The following NFATC2 variants were observed in gnomAD, a reference collection of about 807,000 sequenced individuals.
NFATC2 encodes nuclear factor of activated T cells 2.
Under a neutral mutation model 87.3 loss-of-function variants are expected in NFATC2, and 22 were observed. The ratio of observed to expected loss-of-function variants is 0.25; its 90% CI spans 0.18 to 0.36. The LOEUF (loss-of-function observed/expected upper bound fraction) is 0.36, where lower values mean the gene tolerates loss of function less well. NFATC2 is among the 10% of genes least tolerant of loss of function. The pLI is 1.00. For missense variants in NFATC2, 1,149 were observed against 1,259.1 expected, an observed-to-expected ratio of 0.91 and a Z score of 1.32; for synonymous variants, 565 against 542.2, an observed-to-expected ratio of 1.04 and a Z score of -0.58.
chr20:51,410,241 G>A (rs929397073), intron 9 of NFATC2, among the ~76,000 whole-genome samples: 62 of 150,104 alleles, frequency 4.1e-4, no homozygotes, highest in Non-Finnish European at 7.2e-4. Context: ...GAAATATTAG[G>A]ACATTTATGA....
intron 9 of NFATC2, among the ~76,000 whole-genome samples, chr20:51,427,690 G>A (rs753142481): frequency 1.3e-5 from 2 of 152,092 alleles, no homozygotes; most frequent in Admixed American, 6.6e-5. Context: ...CGCCACCTGC[G>A]TTCCCTCTCC....
chr20:51,412,152 T>C (rs572968897), intron 9 of NFATC2, among the ~76,000 whole-genome samples: 13 of 152,186 alleles, frequency 8.5e-5, no homozygotes, highest in Admixed American at 7.2e-4. Flanking sequence ...ACTCTGATAA[T>C]AAGAAACCAA....
chr20:51,523,875 G>A lies in NFATC2; in HGVS notation c.366C>T (p.Ile122=). The change falls in exon 2 of 11, where the codon ATC becomes ATT. Residue 122 remains isoleucine (I), a synonymous_variant. Transcript: ENST00000371564. This position sits in a 1 kb window ranked among gnomAD's most constrained non-coding sequence, Gnocchi z 6.9. ...RIEITPSHEL[I]QAVGPLRMRD... is the part of the protein sequence containing the mutation. ...TCATGCGGAGGGGCCCCACTGCCTG[G>A]ATCAGTTCGTGGGACGGAGTGATCT... 6.2e-7 allele frequency: 1 copy of A among 1,609,016 alleles called. No homozygotes were observed. The highest frequency in any genetic ancestry group is 8.5e-7 in the Non-Finnish European group (1 of 1,178,210).
At chr20:51,465,692 CCAGCCT>C (rs1271522268) in intron 5 of NFATC2, among the ~76,000 whole-genome samples, 1 of 152,078 alleles carries the variant, frequency 6.6e-6, no homozygotes, top group Non-Finnish European at 1.5e-5. Context: ...ACATATTTAA[CCAGCCT>C]ACCAACATGG....
intron 3 of NFATC2, among the ~76,000 whole-genome samples, chr20:51,505,605 C>T (rs2076165880): frequency 6.6e-6 from 1 of 152,102 alleles, no homozygotes; most frequent in South Asian, 2.1e-4. Context: ...ACTTGAGAAC[C>T]ACACCGTGCA....
At chr20:51,424,241 A>C (rs1019768840) in intron 9 of NFATC2, among the ~76,000 whole-genome samples, 3 of 152,168 alleles carry the variant, frequency 2.0e-5, no homozygotes, top group Non-Finnish European at 4.4e-5. Flanking sequence ...TCAAGACTCA[A>C]ACTATCCTTT....
intron 1 of NFATC2, among the ~76,000 whole-genome samples, chr20:51,561,418 AAG>A (rs1295159756): frequency 9.0e-5 from 13 of 143,950 alleles, no homozygotes; most frequent in African/African-American, 1.4e-4. Context: ...GAAAGAAAGA[AAG>A]AGAGAGAAAG....
At chr20:51,462,540 C>T (rs536497714) in intron 5 of NFATC2, among the ~76,000 whole-genome samples, 69 of 152,228 alleles carry the variant, frequency 4.5e-4, no homozygotes, top group African/African-American at 1.6e-3. Context: ...TATTATAAAA[C>T]GCCCACACCA....
At chr20:51,477,535 CTA>C (rs11467129) in intron 3 of NFATC2, among the ~76,000 whole-genome samples, 9,273 of 71,856 alleles carry the variant, frequency 0.13, 345 homozygotes, top group East Asian at 0.23. Flanking sequence ...GTGTGTGTGT[CTA>C]TATATATATA....
Position 51,399,634 on chromosome 20 carries a change from G to A in NFATC2, c.2723-904C>T, listed in dbSNP as rs78612223. 5.9e-3 allele frequency among the ~76,000 whole-genome samples: 893 copies of A among 152,318 alleles called. 14 individuals carry two copies. The East Asian group carries it at 0.059, about 10-fold the overall frequency. ...CAATGTTGGGCTCCAACAGGAATTG[G>A]CTAGTTGGGGTTGGCTACTGCTGCC... On this transcript the variant is annotated intron_variant, in intron 9 of 10. Transcript: ENST00000371564.
In NFATC2 at chr20:51,435,749, ATT is replaced by A. The variant is rs1404363082; in HGVS notation, c.1860_1861del (p.Gln620HisfsTer10). 6.2e-7 allele frequency: 1 copy of A among 1,605,932 alleles called. No individual in the cohort carries two copies. The highest frequency in any genetic ancestry group is 8.5e-7 in the Non-Finnish European group (1 of 1,175,754). On this transcript the variant is annotated frameshift_variant, in exon 7 of 11. Coordinates refer to ENST00000371564, the MANE Select transcript of NFATC2 (RefSeq NM_012340.5). LOFTEE classifies it high-confidence loss of function. The stretch of plus-strand genomic sequence containing the variant: ...ATCCACCGTGGCTTCCATCTCCCAA[ATT>A]TGCTGTCCATCTAGAAAAATTCAAA...
chr20:51,518,676 A>C (rs2146700112), intron 2 of NFATC2, among the ~76,000 whole-genome samples: 1 of 152,388 alleles, frequency 6.6e-6, no homozygotes, highest in East Asian at 1.9e-4. Flanking sequence ...TACAATGATA[A>C]AAAGAAAACA....
intron 9 of NFATC2, among the ~76,000 whole-genome samples, chr20:51,428,557 C>T (rs1158469259): frequency 6.6e-6 from 1 of 152,232 alleles, no homozygotes; most frequent in Non-Finnish European, 1.5e-5. Flanking sequence ...AGATAAAGCA[C>T]AGATGCCCCA....
intron 9 of NFATC2, among the ~76,000 whole-genome samples, chr20:51,409,411 T>C (rs1020194629): frequency 1.3e-5 from 2 of 152,062 alleles, no homozygotes; most frequent in Non-Finnish European, 2.9e-5. Flanking sequence ...AAGGAAAGAA[T>C]TACAGCTAAA....
In NFATC2 at chr20:51,435,296, T is replaced by C; in HGVS notation, c.1924A>G (p.Ile642Val). ...ATATGCTTGTTCCGATATTCAGGGA[T>C]CTCAACAAAAAGCATGTTCTATAAG... ...KSQPNMLFVE[I>V]PEYRNKHIRT... The change falls in exon 8 of 11, where the codon ATC becomes GTC. Residue 642 changes from isoleucine to valine, a missense_variant. Around this residue, in one of 3 missense-constraint regions of NFATC2, gnomAD observed 581 missense variants for 649.7 expected, o/e 0.89. Coordinates refer to ENST00000371564, the MANE Select transcript of NFATC2 (RefSeq NM_012340.5). The C allele has an allele frequency of 6.2e-7, 1 of 1,614,128 alleles. No individual in the cohort carries two copies. The highest frequency in any genetic ancestry group is 1.7e-5 in the Admixed American group (1 of 60,020).
At chr20:51,455,202 T>C (rs1326677704) in intron 5 of NFATC2, among the ~76,000 whole-genome samples, 2 of 152,202 alleles carry the variant, frequency 1.3e-5, no homozygotes, top group African/African-American at 2.4e-5. Flanking sequence ...ATCTTTAACA[T>C]AGTCGTTAAG....
At chr20:51,454,481 A>C in intron 6 of NFATC2, 67 bp downstream of exon 6, 2 of 1,581,984 alleles carry the variant, frequency 1.3e-6, no homozygotes, top group Non-Finnish European at 1.7e-6. Context: ...AAAGTTGTAT[A>C]TAATAAAGAG....
Position 51,429,853 on chromosome 20 carries a change from T to C in NFATC2, c.2722+2214A>G, listed in dbSNP as rs75991781. The stretch of plus-strand genomic sequence containing the variant: ...TGGGGTCATACAGCATGTACCTAAA[T>C]TTCACCTCGCTCGGTTCTCTGAGAC... On this transcript the variant is annotated intron_variant, in intron 9 of 10. Coordinates refer to ENST00000371564, the MANE Select transcript of NFATC2 (RefSeq NM_012340.5). Among the ~76,000 whole-genome samples, 1,140 of 152,242 alleles carry C rather than the reference T, an allele frequency of 7.5e-3. 9 individuals are homozygous for C. Among genetic ancestry groups the C allele is most frequent in the Non-Finnish European group, 0.013 (900 of 68,032 alleles).
chr20:51,448,465 C>A (rs1234939022), intron 6 of NFATC2, among the ~76,000 whole-genome samples: 1 of 152,192 alleles, frequency 6.6e-6, no homozygotes, highest in Admixed American at 6.5e-5. Flanking sequence ...CATGGTGAAA[C>A]CCCGTCTCTA....
Sources: gnomAD v4.1 joint callset for allele counts (sites outside exome capture counted in the v4.1 genomes callset) on GRCh38, gnomAD v4.1.1 for gene constraint, gnomAD v4.1.1 regional missense constraint, Gnocchi (gnomAD v3.1) non-coding constraint, MANE v1.5 for transcripts, NCBI Gene and HGNC (gene_info 2026-07-23, HGNC 2026-07-21) for gene names.